Variants in NLRP12 observed in about 807,000 individuals in gnomAD.
NLRP12 encodes the protein NACHT, LRR and PYD domains-containing protein 12.
NLRP12 carries 108 observed loss-of-function variants against 91.2 expected under a neutral mutation model. The ratio of observed to expected loss-of-function variants is 1.18; its 90% CI spans 1.01 to 1.39. The LOEUF (loss-of-function observed/expected upper bound fraction) is 1.39. Ranked by LOEUF, NLRP12 falls within the 40% of genes most tolerant of loss-of-function variation. NLRP12 has a pLI of 0.00. For missense variants in NLRP12, 1,530 were observed against 1,352.7 expected (o/e 1.13, Z -2.06); for synonymous variants, 613 against 566.7 (o/e 1.08, Z -1.16).
Position 53,824,095 on chromosome 19 carries a change from T to C in NLRP12, c.80A>G (p.Lys27Arg). ...LEELEAVELKKFKLYLGTATE... is the reference protein window; with the variant it reads ...LEELEAVELKRFKLYLGTATE... ...CGCGGTCCCCAGGTATAACTTGAAC[T>C]TCTTCAGTTCCACAGCCTCGAGTTC... Residue 27 changes from lysine (K) to arginine (R), a missense_variant, in exon 1 of 10, where the codon AAG becomes AGG. Transcript: ENST00000324134. The C allele has an allele frequency of 1.2e-6, 2 of 1,614,096 alleles. No homozygotes were observed. The highest frequency in any genetic ancestry group is 1.7e-6 in the Non-Finnish European group (2 of 1,179,992).
Position 53,807,543 on chromosome 19 carries a change from A to C in NLRP12, c.2195T>G (p.Leu732Arg), listed in dbSNP as rs1341283051. The change falls in exon 4 of 10, where the codon CTG becomes CGG. Residue 732 changes from leucine (L) to arginine (R), a missense_variant. Transcript: ENST00000324134. Reference protein sequence around the residue: ...RNALGSRGVKLLCQGLRHPNC... With the variant: ...RNALGSRGVKRLCQGLRHPNC... ...GGGGTGTCTGAGTCCTTGACAGAGCAGCTTCACCCCCCGGCTGCCCAGGGC... is the reference window on the plus strand; with the variant it reads ...GGGGTGTCTGAGTCCTTGACAGAGCCGCTTCACCCCCCGGCTGCCCAGGGC... The C allele has an allele frequency of 3.1e-6, 5 of 1,614,030 alleles. No homozygotes were observed. The Admixed American group carries it at 8.3e-5, about 27-fold the overall frequency.
intron 3 of NLRP12, chr19:53,808,729 A>C (rs1264544590): frequency 6.6e-6 from 1 of 152,126 alleles, no homozygotes; most frequent in Non-Finnish European, 1.5e-5. Flanking sequence ...TGATTGAATA[A>C]ATTCTCCCAG....
At chr19:53,794,998 C>T (rs112964369) in intron 9 of NLRP12, among the ~76,000 whole-genome samples, 2,225 of 151,932 alleles carry the variant, frequency 0.015, 57 homozygotes, top group African/African-American at 0.05. Flanking sequence ...CACCCAGTGG[C>T]GTAATCATGG....
intron 6 of NLRP12, chr19:53,803,661 C>T (rs1334888466): frequency 1.0e-5 from 4 of 398,012 alleles, no homozygotes; most frequent in Non-Finnish European, 1.9e-5. Flanking sequence ...GCAACTTCCG[C>T]CTCTCAGGTT....
chr19:53,810,898 T>G lies in NLRP12; in HGVS notation c.761A>C (p.Glu254Ala). Residue 254 changes from glutamate to alanine, a missense_variant, in exon 3 of 10, where the codon GAG becomes GCG. Transcript: ENST00000324134. ...FDYLFYINCR[E>A]MNQSATECSM... ...GCATTCCGTGGCACTCTGGTTCATCTCCCTGCAGTTGATGTAGAAGAGATA... is the reference window on the plus strand; with the variant it reads ...GCATTCCGTGGCACTCTGGTTCATCGCCCTGCAGTTGATGTAGAAGAGATA... 1 of 1,614,106 alleles carries G rather than the reference T, an allele frequency of 6.2e-7. No individual in the cohort carries two copies. The highest frequency in any genetic ancestry group is 8.5e-7 in the Non-Finnish European group (1 of 1,180,024).
At chr19:53,807,908 G>C in intron 3 of NLRP12, 1 of 472,572 alleles carries the variant, frequency 2.1e-6, no homozygotes, top group Non-Finnish European at 4.0e-6. Context: ...GAGCCACCAC[G>C]CCCAGTTAAT....
chr19:53,797,037 G>A (rs373308073), intron 8 of NLRP12, among the ~76,000 whole-genome samples: 1 of 151,812 alleles, frequency 6.6e-6, no homozygotes, highest in Admixed American at 6.6e-5. Context: ...CCCATTCTAA[G>A]TCCTTCAGAT....
At chr19:53,801,825 G>T (rs2091880327) in intron 6 of NLRP12, among the ~76,000 whole-genome samples, 1 of 152,034 alleles carries the variant, frequency 6.6e-6, no homozygotes, top group African/African-American at 2.4e-5. Flanking sequence ...CGGCCTGGTG[G>T]CTCACGCCTG....
In NLRP12 at chr19:53,814,981, TG is replaced by T; in HGVS notation, c.296del (p.Pro99HisfsTer49). ...GQREDLVRDT[P>X]PGGPSSLGNQ... ...TCCCAAGTGAGGACGGGCCACCAGGTGGGGTATCTGGAAGAGAAATTGTGGA... is the reference window on the plus strand; with the variant it reads ...TCCCAAGTGAGGACGGGCCACCAGGTGGGTATCTGGAAGAGAAATTGTGGA... On this transcript the variant is annotated frameshift_variant, in exon 2 of 10. Transcript: ENST00000324134. LOFTEE classifies it high-confidence loss of function. 6.2e-7 allele frequency: 1 copy of T among 1,613,432 alleles called. No homozygotes were observed.
chr19:53,819,410 A>AAT lies in NLRP12; in HGVS notation c.290-4424_290-4423dup, dbSNP rs754512228. On this transcript the variant is annotated intron_variant, in intron 1 of 9. Coordinates refer to ENST00000324134, the MANE Select transcript of NLRP12 (RefSeq NM_144687.4). ...CAGGCGTGTGCCACTACGCCTGGCT[A>AAT]ATATATATATATATATATATATATA... 2.3e-3 allele frequency among the ~76,000 whole-genome samples: 54 copies of AAT among 23,674 alleles called. 1 individual carries two copies. The highest frequency in any genetic ancestry group is 3.1e-3 in the Non-Finnish European group (41 of 13,426). The allele number at this position is 23,674 out of a possible 152,430, so 15.5% of individuals were successfully genotyped here.
Position 53,805,390 on chromosome 19 carries a change from G to A in NLRP12, c.2304C>T (p.Ala768=), listed in dbSNP as rs772636864. ...ACEDLSAALI[A]NKNLTRMDLS... ...GATCCATCCTTGTCAAATTCTTATT[G>A]GCTATGAGAGCTGCAGAGAGGTCCT... Residue 768 remains alanine (A), a synonymous_variant, in exon 5 of 10, where the codon GCC becomes GCT. Transcript: ENST00000324134. 1 of 1,614,088 alleles carries A rather than the reference G, an allele frequency of 6.2e-7. No individual in the cohort carries two copies. The highest frequency in any genetic ancestry group is 2.2e-5 in the East Asian group (1 of 44,876).
chr19:53,801,341 CTG>C lies in NLRP12; in HGVS notation c.2640_2641del (p.Ser881CysfsTer14). ...CAGCTCTCTCAGGCTCTGGTTCACA[CTG>C]AGAGTTGAGGCCAGCTCGTCACAGG... On this transcript the variant is annotated frameshift_variant, in exon 7 of 10. Coordinates refer to ENST00000324134, the MANE Select transcript of NLRP12 (RefSeq NM_144687.4). LOFTEE classifies it high-confidence loss of function. 9 of 1,614,004 alleles carry C rather than the reference CTG, an allele frequency of 5.6e-6. No individual in the cohort carries two copies. The highest frequency in any genetic ancestry group is 7.6e-6 in the Non-Finnish European group (9 of 1,180,006).
Position 53,812,615 on chromosome 19 carries a change from G to A in NLRP12, c.371-1327C>T, listed in dbSNP as rs556237300. Reference sequence around the variant, plus strand: ...ACGACCCCATAGCAAAGAACGCTCTGGCCCCGAAATGCCAACAGTGCCAAT... The same window carrying A: ...ACGACCCCATAGCAAAGAACGCTCTAGCCCCGAAATGCCAACAGTGCCAAT... On this transcript the variant is annotated intron_variant, in intron 2 of 9. Transcript: ENST00000324134. Among the ~76,000 whole-genome samples, 7 of 152,086 alleles carry A rather than the reference G, an allele frequency of 4.6e-5. No individual in the cohort carries two copies. In the South Asian group the frequency reaches 1.5e-3, roughly 32 times the overall value.
intron 2 of NLRP12, among the ~76,000 whole-genome samples, chr19:53,812,523 G>A (rs1370285692): frequency 6.6e-6 from 1 of 152,076 alleles, no homozygotes; most frequent in Non-Finnish European, 1.5e-5. Flanking sequence ...GTTACAACTG[G>A]GAAAGTACTA....
intron 1 of NLRP12, among the ~76,000 whole-genome samples, chr19:53,818,503 T>A (rs893588445): frequency 1.3e-5 from 2 of 151,928 alleles, no homozygotes; most frequent in Non-Finnish European, 2.9e-5. Flanking sequence ...CCATCTCTAC[T>A]ATAAATACGA....
chr19:53,801,215 A>G lies in NLRP12; in HGVS notation c.2756+12T>C, dbSNP rs1174701849. 1 of 1,613,262 alleles carries G rather than the reference A, an allele frequency of 6.2e-7. No homozygotes were observed. The highest frequency in any genetic ancestry group is 8.5e-7 in the Non-Finnish European group (1 of 1,179,622). ...TTGGGACTCCTAGCGTGGTGAGCAA[A>G]ACGGGACTCACCGCAGGGTCTGGAG... On this transcript the variant is annotated intron_variant, in intron 7 of 9. Coordinates refer to ENST00000324134, the MANE Select transcript of NLRP12 (RefSeq NM_144687.4).
Position 53,801,348 on chromosome 19 carries a change from T to A in NLRP12, c.2635A>T (p.Thr879Ser), listed in dbSNP as rs1426482687. Residue 879 changes from threonine (T) to serine (S), a missense_variant, in exon 7 of 10, where the codon ACT becomes TCT. Physicochemically the swap from Thr to Ser is moderately conservative, Grantham distance 58. Coordinates refer to ENST00000324134, the MANE Select transcript of NLRP12 (RefSeq NM_144687.4). ...TAAACDELAS[T>S]LSVNQSLREL... ...CTCAGGCTCTGGTTCACACTGAGAG[T>A]TGAGGCCAGCTCGTCACAGGCAGCA... 1 of 1,613,862 alleles carries A rather than the reference T, an allele frequency of 6.2e-7. No homozygotes were observed. Among genetic ancestry groups the A allele is most frequent in the East Asian group, 2.2e-5 (1 of 44,856 alleles).
chr19:53,804,394 T>G lies in NLRP12; in HGVS notation c.2415-272A>C, dbSNP rs1217062421. Among the ~76,000 whole-genome samples the G allele has an allele frequency of 3.4e-3, 227 of 66,918 alleles. 2 individuals carry two copies. The highest frequency in any genetic ancestry group is 9.1e-3 in the Non-Finnish European group (193 of 21,242). The allele number at this position is 66,918 out of a possible 152,430, so 43.9% of individuals were successfully genotyped here. ...TTGTTTGTTTTTTGTTTTTTTTGGG[T>G]TTTTTTGTTTTTTTTTTTTTTTGAG... On this transcript the variant is annotated intron_variant, in intron 5 of 9. Coordinates refer to ENST00000324134, the MANE Select transcript of NLRP12 (RefSeq NM_144687.4).
rs1374519653 is a variant in NLRP12 at position 53,801,432 on chromosome 19, G to C, written c.2586-35C>G. 3 of 1,583,390 alleles carry C rather than the reference G, an allele frequency of 1.9e-6. No individual in the cohort carries two copies. In the East Asian group the frequency reaches 6.8e-5, roughly 36 times the overall value. ...GTCCAATTCAACAAGCATTATGGAG[G>C]CTTTCCTTTCTTTTTCTTTTTTTTT... is the stretch of plus-strand genomic sequence containing the variant. On this transcript the variant is annotated intron_variant, in intron 6 of 9. Transcript: ENST00000324134.
Sources: gnomAD v4.1 joint callset for allele counts (sites outside exome capture counted in the v4.1 genomes callset) on GRCh38, gnomAD v4.1.1 for gene constraint, MANE v1.5 for transcripts, NCBI Gene and HGNC (gene_info 2026-07-23, HGNC 2026-07-21) for gene names.